PSD3: variants seen among roughly 807,000 people sequenced by gnomAD.
The protein encoded by PSD3 is pleckstrin and Sec7 domain containing 3.
A neutral mutation model predicts 105.5 loss-of-function variants in PSD3; 49 were observed. The ratio of observed to expected loss-of-function variants is 0.46; its 90% CI spans 0.37 to 0.59. The LOEUF (loss-of-function observed/expected upper bound fraction) is 0.59, where lower values mean the gene tolerates loss of function less well. Among genes scored for constraint, PSD3 ranks in the 20% least tolerant of loss-of-function variants. PSD3 has a pLI of 0.00. For missense variants in PSD3, 1,561 were observed against 1,263.8 expected (o/e 1.24, Z -3.57); for synonymous variants, 557 against 457.8 (o/e 1.22, Z -2.77).
chr8:18,816,071 C>T (rs1812197797), intron 4 of PSD3, among the ~76,000 whole-genome samples: 1 of 152,210 alleles, frequency 6.6e-6, no homozygotes, highest in Non-Finnish European at 1.5e-5. Flanking sequence ...CCCCTGGAGA[C>T]AGATCCAAAG....
intron 2 of PSD3, among the ~76,000 whole-genome samples, chr8:18,910,946 A>AAT (rs1192887553): frequency 1.6e-4 from 25 of 152,026 alleles, no homozygotes; most frequent in Non-Finnish European, 3.1e-4. Context: ...AAAATAAAAA[A>AAT]AAAAAAAATA....
intron 12 of PSD3, among the ~76,000 whole-genome samples, chr8:18,581,355 C>A (rs1021305170): frequency 3.9e-5 from 6 of 152,166 alleles, no homozygotes; most frequent in Admixed American, 1.3e-4. Context: ...ATAGGGCACA[C>A]ATTTTTTAGG....
intron 9 of PSD3, among the ~76,000 whole-genome samples, chr8:18,719,013 A>T (rs780040214): frequency 6.6e-6 from 1 of 152,240 alleles, no homozygotes; most frequent in Non-Finnish European, 1.5e-5. Context: ...GGAATAAAGC[A>T]TTAAAGAATG....
At chr8:18,664,202 T>C (rs1357931385) in intron 9 of PSD3, among the ~76,000 whole-genome samples, 1 of 152,194 alleles carries the variant, frequency 6.6e-6, no homozygotes, top group East Asian at 1.9e-4. Flanking sequence ...TGATTAAGCT[T>C]AGTGAGGCTA....
At chr8:18,769,253 A>C (rs560803540) in intron 8 of PSD3, among the ~76,000 whole-genome samples, 1 of 152,326 alleles carries the variant, frequency 6.6e-6, no homozygotes, top group African/African-American at 2.4e-5. Context: ...AAAATAAAGG[A>C]AGGTCTAATT....
At chr8:18,750,601 G>A (rs1006948204) in intron 9 of PSD3, among the ~76,000 whole-genome samples, 1 of 152,076 alleles carries the variant, frequency 6.6e-6, no homozygotes, top group African/African-American at 2.4e-5. Flanking sequence ...GCCACTGCTG[G>A]CTCCGGCAGC....
intron 1 of PSD3, among the ~76,000 whole-genome samples, chr8:19,036,728 G>T (rs1289016518): frequency 6.6e-6 from 1 of 152,068 alleles, no homozygotes; most frequent in African/African-American, 2.4e-5. Flanking sequence ...TGAACCCCAG[G>T]CTGAATACTA....
At chr8:18,837,420 T>C (rs1814201974) in intron 4 of PSD3, among the ~76,000 whole-genome samples, 2 of 152,174 alleles carry the variant, frequency 1.3e-5, no homozygotes, top group African/African-American at 4.8e-5. Flanking sequence ...TAAACATTCC[T>C]ATGCATACGC....
intron 1 of PSD3, among the ~76,000 whole-genome samples, chr8:19,071,872 G>C (rs1169846733): frequency 6.6e-6 from 1 of 151,934 alleles, no homozygotes. Context: ...ACCACACCCG[G>C]CTAATTTTTG....
chr8:19,004,626 A>T (rs1292629170), intron 1 of PSD3, among the ~76,000 whole-genome samples: 2 of 152,088 alleles, frequency 1.3e-5, no homozygotes, highest in Non-Finnish European at 2.9e-5. Context: ...CGGTCAAAGG[A>T]TCTGAATAGA....
rs1436821246 is a variant in PSD3 at position 18,736,310 on chromosome 8, G to T, written c.2172+29139C>A. On this transcript the variant is annotated intron_variant, in intron 9 of 15. Coordinates refer to ENST00000327040, the MANE Select transcript of PSD3 (RefSeq NM_015310.4). ...TCTGTTTCTTCTTTATATCTAAAAA[G>T]TAAAATAATGGTACCTACCCTCAAG... is the stretch of plus-strand genomic sequence containing the variant. Among the ~76,000 whole-genome samples the T allele has an allele frequency of 4.6e-5, 7 of 152,166 alleles. No individual in the cohort carries two copies. The South Asian group carries it at 1.0e-3, about 23-fold the overall frequency.
chr8:18,604,814 T>C (rs1804697733), intron 11 of PSD3, among the ~76,000 whole-genome samples: 1 of 152,184 alleles, frequency 6.6e-6, no homozygotes, highest in Admixed American at 6.5e-5. Flanking sequence ...GGGGCCTGGG[T>C]ACAGCTTGGG....
At chr8:18,763,347 G>T (rs150978923) in intron 9 of PSD3, among the ~76,000 whole-genome samples, 1 of 152,206 alleles carries the variant, frequency 6.6e-6, no homozygotes, top group East Asian at 1.9e-4. Context: ...CCTGTAACAT[G>T]GAGATTGGAA....
chr8:18,652,168 C>G (rs998360813), intron 10 of PSD3, among the ~76,000 whole-genome samples: 2 of 151,996 alleles, frequency 1.3e-5, no homozygotes, highest in Non-Finnish European at 2.9e-5. Context: ...TGGAGACAGA[C>G]GATGAGCGCT....
intron 1 of PSD3, among the ~76,000 whole-genome samples, chr8:19,080,444 G>C (rs1199938551): frequency 6.6e-6 from 1 of 152,162 alleles, no homozygotes; most frequent in African/African-American, 2.4e-5. Context: ...TTACATTTCA[G>C]ACATTAGTTT....
intron 2 of PSD3, among the ~76,000 whole-genome samples, chr8:18,882,530 GCAAA>G (rs1818173422): frequency 2.0e-5 from 3 of 152,028 alleles, no homozygotes; most frequent in Non-Finnish European, 4.4e-5. Context: ...CTGTCTGCTC[GCAAA>G]CAAAGTTCAG....
intron 9 of PSD3, among the ~76,000 whole-genome samples, chr8:18,718,291 T>TA (rs1417693562): frequency 7.2e-5 from 11 of 152,258 alleles, no homozygotes; most frequent in Non-Finnish European, 1.3e-4. Context: ...AATATTTACC[T>TA]ATTTTCCCAT....
intron 6 of PSD3, chr8:18,803,131 C>G: frequency 4.8e-6 from 1 of 209,536 alleles, no homozygotes; most frequent in Non-Finnish European, 1.0e-5. Context: ...ACTAAAAATA[C>G]AAATAATTAG....
At chr8:19,028,590 A>G (rs1002720357) in intron 1 of PSD3, among the ~76,000 whole-genome samples, 5 of 152,056 alleles carry the variant, frequency 3.3e-5, no homozygotes, top group African/African-American at 1.2e-4. Context: ...CCTGGATACA[A>G]TTTATGTATC....
Sources: gnomAD v4.1 joint callset for allele counts (sites outside exome capture counted in the v4.1 genomes callset) on GRCh38, gnomAD v4.1.1 for gene constraint, MANE v1.5 for transcripts, NCBI Gene and HGNC (gene_info 2026-07-23, HGNC 2026-07-21) for gene names.